The following PTCHD1 variants were observed in gnomAD, a reference collection of about 807,000 sequenced individuals.
PTCHD1 encodes the protein patched domain containing 1, also known as patched domain-containing protein 1.
Under a neutral mutation model 34.6 loss-of-function variants are expected in PTCHD1, and 3 were observed. The observed-to-expected ratio is 0.09, with a 90% CI of 0.04 to 0.22. The LOEUF (loss-of-function observed/expected upper bound fraction) is 0.22, where lower values mean the gene tolerates loss of function less well. Among genes scored for constraint, PTCHD1 ranks in the 10% least tolerant of loss-of-function variants. The pLI, the probability that PTCHD1 is intolerant of heterozygous loss-of-function variation, is 1.00. For synonymous variants in PTCHD1, 305 were observed against 283.1 expected (o/e 1.08, Z -0.77); for missense variants, 504 against 685.5 (o/e 0.74, Z 2.96).
intron 1 of PTCHD1, among the ~76,000 whole-genome samples, chrX:23,350,445 A>C (rs184351367): frequency 3.8e-4 from 42 of 111,835 alleles, no homozygotes; most frequent in African/African-American, 1.4e-3. Context: ...GTGAGTAGAA[A>C]GAGGATGATG....
chrX:23,381,996 G>A (rs1404743513), intron 2 of PTCHD1, among the ~76,000 whole-genome samples: 1 of 111,580 alleles, frequency 9.0e-6, no homozygotes, highest in Admixed American at 9.5e-5. Flanking sequence ...TTACGGGAAG[G>A]GTTTTCGTTT....
chrX:23,360,916 C>T lies in PTCHD1; in HGVS notation c.352-18675C>T, dbSNP rs753518234. 5.3e-5 allele frequency among the ~76,000 whole-genome samples: 6 copies of T among 112,150 alleles called. No homozygotes were observed. In the South Asian group the frequency reaches 1.9e-3, roughly 35 times the overall value. On this transcript the variant is annotated intron_variant, in intron 1 of 2. Transcript: ENST00000379361. ...TTCATTTCGTTATTTACCCAGTAGT[C>T]GTTCAAGAGCAAGTTGTTCAGTTTC...
chrX:23,376,340 C>T (rs754081038), intron 1 of PTCHD1, among the ~76,000 whole-genome samples: 190 of 111,794 alleles, frequency 1.7e-3, no homozygotes, highest in African/African-American at 5.6e-3. Flanking sequence ...CGTCTCTTAC[C>T]TAGTTCAATA....
chrX:23,371,052 T>TG (rs1292744773), intron 1 of PTCHD1, among the ~76,000 whole-genome samples: 1 of 111,053 alleles, frequency 9.0e-6, no homozygotes, highest in Non-Finnish European at 1.9e-5. Flanking sequence ...CTCAGGTAGG[T>TG]GACTCACATA....
intron 2 of PTCHD1, among the ~76,000 whole-genome samples, chrX:23,391,075 G>A (rs1052162706): frequency 1.8e-5 from 2 of 111,649 alleles, no homozygotes; most frequent in South Asian, 3.8e-4. Flanking sequence ...ACAGGGACTC[G>A]AAGTAGGGAA....
In PTCHD1 at chrX:23,379,874, C is replaced by G. The variant is rs1922514428; in HGVS notation, c.635C>G (p.Thr212Ser). ...RVKSAEAIQL[T>S]YYLQSINSLN... ...AAATCTGCAGAGGCCATCCAGCTCACCTACTACCTGCAGTCAATCAACAGT... is the reference window on the plus strand; with the variant it reads ...AAATCTGCAGAGGCCATCCAGCTCAGCTACTACCTGCAGTCAATCAACAGT... Residue 212 changes from threonine to serine, a missense_variant, in exon 2 of 3, where the codon ACC becomes AGC. Thr to Ser is a moderately conservative substitution (Grantham distance 58, BLOSUM62 1). Coordinates refer to ENST00000379361, the MANE Select transcript of PTCHD1 (RefSeq NM_173495.3). 2.5e-6 allele frequency: 3 copies of G among 1,210,170 alleles called. No individual in the cohort carries two copies. The highest frequency in any genetic ancestry group is 3.4e-6 in the Non-Finnish European group (3 of 895,256).
intron 1 of PTCHD1, among the ~76,000 whole-genome samples, chrX:23,370,414 A>G (rs550139286): frequency 8.9e-6 from 1 of 112,237 alleles, no homozygotes; most frequent in African/African-American, 3.2e-5. Flanking sequence ...CTCTTTTCAG[A>G]TCAGGAAAGG....
chrX:23,336,814 G>C (rs1214510061), intron 1 of PTCHD1, among the ~76,000 whole-genome samples: 4 of 111,966 alleles, frequency 3.6e-5, no homozygotes, highest in Non-Finnish European at 7.5e-5. Context: ...TGCTCCAAAA[G>C]CTTTCCCACG....
intron 1 of PTCHD1, among the ~76,000 whole-genome samples, chrX:23,359,949 G>A (rs922334262): frequency 5.4e-5 from 6 of 111,700 alleles, no homozygotes; most frequent in African/African-American, 1.3e-4. Flanking sequence ...GATGGATTAC[G>A]TTTATTGATT....
At position 23,396,999 on chromosome X, in the gene PTCHD1, C is replaced by T. The variant is rs1039443621; in HGVS notation, c.*2814C>T. 7.1e-5 allele frequency: 8 copies of T among 111,968 alleles called. No individual in the cohort carries two copies. The highest frequency in any genetic ancestry group is 7.4e-4 in the South Asian group (2 of 2,700). The allele number at this position is 111,968 out of a possible 1,213,427, so 9.2% of individuals were successfully genotyped here. A position where few individuals can be genotyped will look rare whatever the true frequency, so the allele number is the denominator to read the frequency against. On this transcript the variant is annotated 3_prime_UTR_variant, in exon 3 of 3. Transcript: ENST00000379361. ...TTTACTTTTTGAATTGCTATAAAGA[C>T]GGAAAAATTGATCCCTGCAAACACT... is the stretch of plus-strand genomic sequence containing the variant.
intron 2 of PTCHD1, among the ~76,000 whole-genome samples, chrX:23,388,831 G>GAA (rs539710655): frequency 4.2e-5 from 4 of 94,889 alleles, no homozygotes; most frequent in South Asian, 4.7e-4. Flanking sequence ...ACTCCGTCTC[G>GAA]AAAAAAAAAA....
chrX:23,350,518 G>T (rs1054067654), intron 1 of PTCHD1, among the ~76,000 whole-genome samples: 1 of 111,866 alleles, frequency 8.9e-6, no homozygotes, highest in African/African-American at 3.2e-5. Context: ...TTCAGCTGTT[G>T]TATATATGCC....
At chrX:23,338,993 T>G (rs67113218) in intron 1 of PTCHD1, among the ~76,000 whole-genome samples, 4,668 of 111,334 alleles carry the variant, frequency 0.042, 232 homozygotes, top group African/African-American at 0.14. Flanking sequence ...GAAAGAAGAT[T>G]TTTTTGGAAA....
chrX:23,391,622 C>T (rs1211314205), intron 2 of PTCHD1, among the ~76,000 whole-genome samples: 1 of 111,205 alleles, frequency 9.0e-6, no homozygotes, highest in African/African-American at 3.3e-5. Flanking sequence ...GCCTCTTTAT[C>T]ACTAAAACCC....
At chrX:23,347,549 C>T (rs1387857999) in intron 1 of PTCHD1, among the ~76,000 whole-genome samples, 1 of 112,267 alleles carries the variant, frequency 8.9e-6, no homozygotes, top group African/African-American at 3.2e-5. Context: ...CCTGTAAAGT[C>T]CTGTTATCTT....
At chrX:23,374,984 A>G (rs1418334912) in intron 1 of PTCHD1, among the ~76,000 whole-genome samples, 2 of 112,144 alleles carry the variant, frequency 1.8e-5, no homozygotes, top group East Asian at 5.6e-4. Context: ...CTGGAAGCCA[A>G]AACTTTTTCT....
chrX:23,343,024 A>G (rs1232778015), intron 1 of PTCHD1, among the ~76,000 whole-genome samples: 2 of 112,557 alleles, frequency 1.8e-5, no homozygotes, highest in African/African-American at 6.5e-5. Flanking sequence ...GATCTCTCCT[A>G]GAGCCTAGCA....
At chrX:23,383,041 T>G (rs1236733226) in intron 2 of PTCHD1, among the ~76,000 whole-genome samples, 1 of 112,226 alleles carries the variant, frequency 8.9e-6, no homozygotes, top group Non-Finnish European at 1.9e-5. Context: ...CTGGGGTTTT[T>G]GGATGACCAG....
chrX:23,363,454 C>G (rs1047034299), intron 1 of PTCHD1, among the ~76,000 whole-genome samples: 1 of 113,035 alleles, frequency 8.8e-6, no homozygotes, highest in East Asian at 2.8e-4. Context: ...TGGGACCTGC[C>G]GAACCAGGCG....
Sources: allele counts gnomAD v4.1 joint callset (sites outside exome capture counted in the v4.1 genomes callset), GRCh38; gene constraint gnomAD v4.1.1; transcripts MANE v1.5; gene names NCBI Gene and HGNC (gene_info 2026-07-23, HGNC 2026-07-21).